Variants in EIF2S1 observed in about 807,000 individuals in gnomAD.
The protein encoded by EIF2S1 is eukaryotic translation initiation factor 2 subunit 1.
A neutral mutation model predicts 33.5 loss-of-function variants in EIF2S1; 5 were observed. The observed-to-expected ratio is 0.15, with a 90% CI of 0.08 to 0.31. The LOEUF is 0.31. EIF2S1 is among the 10% of genes least tolerant of loss of function. EIF2S1 has a pLI of 1.00. For missense variants in EIF2S1, 191 were observed against 384.6 expected (o/e 0.50, Z 4.21); for synonymous variants, 99 against 127.5 (o/e 0.78, Z 1.51).
chr14:67,361,174 T>C (rs2085736047), intron 1 of EIF2S1, among the ~76,000 whole-genome samples: 1 of 152,274 alleles, frequency 6.6e-6, no homozygotes, highest in Non-Finnish European at 1.5e-5. Flanking sequence ...ACAGTCATGC[T>C]GAGGTCTCTT....
intron 2 of EIF2S1, among the ~76,000 whole-genome samples, chr14:67,371,240 C>T (rs1039895091): frequency 2.0e-5 from 3 of 151,698 alleles, no homozygotes; most frequent in African/African-American, 7.3e-5. Context: ...ATAGGGAGAC[C>T]CCATCTCTAT....
intron 6 of EIF2S1, among the ~76,000 whole-genome samples, chr14:67,382,207 G>A (rs915098692): frequency 6.6e-6 from 1 of 151,772 alleles, no homozygotes; most frequent in Non-Finnish European, 1.5e-5. Flanking sequence ...ATTCAGTATC[G>A]CAGTGAACTG....
chr14:67,373,100 G>A (rs1010648076), intron 2 of EIF2S1, among the ~76,000 whole-genome samples: 5 of 152,168 alleles, frequency 3.3e-5, no homozygotes, highest in Non-Finnish European at 7.3e-5. Context: ...AATGCAGAGT[G>A]CCACATTCAC....
intron 2 of EIF2S1, among the ~76,000 whole-genome samples, chr14:67,371,693 A>G (rs981692731): frequency 6.6e-6 from 1 of 152,192 alleles, no homozygotes; most frequent in Admixed American, 6.5e-5. Flanking sequence ...GATACAGTAA[A>G]AATACAGTAT....
At position 67,364,717 on chromosome 14, in the gene EIF2S1, T is replaced by A. The variant is rs190604364; in HGVS notation, c.-1-50T>A. 1.1e-4 allele frequency: 171 copies of A among 1,518,768 alleles called. No homozygotes were observed. The East Asian group carries it at 2.9e-3, about 26-fold the overall frequency. The allele number at this position is 1,518,768 out of a possible 1,614,324, so 94.1% of individuals were successfully genotyped here. On this transcript the variant is annotated intron_variant, in intron 1 of 7. Transcript: ENST00000256383. Reference sequence around the variant, plus strand: ...AGGATGTGGAAATTGATTTTTTTTTTATTTTCACCTTAACTGAATACTTAC... The same window carrying A: ...AGGATGTGGAAATTGATTTTTTTTTAATTTTCACCTTAACTGAATACTTAC...
chr14:67,379,102 G>A (rs777742947), intron 4 of EIF2S1, among the ~76,000 whole-genome samples: 9 of 152,090 alleles, frequency 5.9e-5, no homozygotes, highest in Non-Finnish European at 1.2e-4. Flanking sequence ...TGCTTTATCT[G>A]TTCCTCTATT....
chr14:67,380,516 A>G (rs1031942579), intron 4 of EIF2S1, 143 bp from the exon 5 acceptor site: 4 of 421,230 alleles, frequency 9.5e-6, no homozygotes, highest in South Asian at 2.3e-4. Context: ...TTTGAATTCT[A>G]ATTGTGACAC....
chr14:67,369,204 C>A (rs1386310254), intron 2 of EIF2S1, among the ~76,000 whole-genome samples: 1 of 152,040 alleles, frequency 6.6e-6, no homozygotes, highest in Non-Finnish European at 1.5e-5. Context: ...GCAGACAATA[C>A]CTTAAGGAGA....
At chr14:67,366,967 T>G (rs898381144) in intron 2 of EIF2S1, among the ~76,000 whole-genome samples, 1 of 151,392 alleles carries the variant, frequency 6.6e-6, no homozygotes, top group African/African-American at 2.4e-5. Flanking sequence ...GAGGCGAGAG[T>G]TGTAGACAAC....
Position 67,383,799 on chromosome 14 carries a change from TC to T in EIF2S1, c.*362del, listed in dbSNP as rs202015776. 0.02 allele frequency: 5,679 copies of T among 286,252 alleles called. 83 individuals are homozygous for T. The highest frequency in any genetic ancestry group is 0.03 in the Middle Eastern group (23 of 756). The allele number at this position is 286,252 out of a possible 1,614,324, so 17.7% of individuals were successfully genotyped here. A position where few individuals can be genotyped will look rare whatever the true frequency, so the allele number is the denominator to read the frequency against. On this transcript the variant is annotated 3_prime_UTR_variant, in exon 8 of 8. Coordinates refer to ENST00000256383, the MANE Select transcript of EIF2S1 (RefSeq NM_004094.5). ...TGCCAGGGGCATCCAAGGCAAACAA[TC>T]CCAATCTTTCTATATAAAATGTATT... is the stretch of plus-strand genomic sequence containing the variant.
At chr14:67,364,724 A>G (rs1475361379) in intron 1 of EIF2S1, 43 bp from the exon 2 acceptor site, 4 of 1,548,758 alleles carry the variant, frequency 2.6e-6, no homozygotes, top group Admixed American at 2.0e-5. Context: ...TTTTATTTTC[A>G]CCTTAACTGA....
intron 1 of EIF2S1, among the ~76,000 whole-genome samples, chr14:67,361,998 TA>T (rs1465447248): frequency 2.6e-5 from 4 of 151,820 alleles, no homozygotes; most frequent in African/African-American, 9.7e-5. Flanking sequence ...ATTACTTAGG[TA>T]AGAGTCTTTT....
At chr14:67,364,272 T>G in intron 1 of EIF2S1, 1 of 152,238 alleles carries the variant, frequency 6.6e-6, no homozygotes, top group Non-Finnish European at 1.5e-5. Context: ...CTATAATAAA[T>G]GACAGAATGT....
At chr14:67,381,713 C>A (rs2085888662) in intron 6 of EIF2S1, 23 bp downstream of exon 6, 2 of 1,552,344 alleles carry the variant, frequency 1.3e-6, no homozygotes, top group Non-Finnish European at 8.9e-7. Flanking sequence ...TTGTCTCCCT[C>A]CCTGCTGAAA....
In EIF2S1 at chr14:67,384,178, T is replaced by C. The variant is rs574811108; in HGVS notation, c.*738T>C. The C allele has an allele frequency of 5.1e-4, 78 of 152,346 alleles. No individual in the cohort carries two copies. The highest frequency in any genetic ancestry group is 1.7e-3 in the African/African-American group (70 of 41,586). The allele number at this position is 152,346 out of a possible 1,614,324, so 9.4% of individuals were successfully genotyped here. On this transcript the variant is annotated 3_prime_UTR_variant, in exon 8 of 8. Transcript: ENST00000256383. The stretch of plus-strand genomic sequence containing the variant: ...CCACGTCCTTATTGGAATAATAAGC[T>C]ACTTGCCTTGAGTTTATAATTCAGG...
chr14:67,385,808 A>G lies in EIF2S1; in HGVS notation c.*2368A>G, dbSNP rs2085919717. The G allele has an allele frequency of 1.3e-5, 2 of 152,170 alleles. No homozygotes were observed. The highest frequency in any genetic ancestry group is 1.3e-4 in the Admixed American group (2 of 15,276). 9.4% of individuals were successfully genotyped at this position (152,170 alleles called of 1,614,324 possible). ...CATTTTTCATATCAGTTATAGCAAA[A>G]CAAGACAAACCAGTTCTTAATAATG... On this transcript the variant is annotated 3_prime_UTR_variant, in exon 8 of 8. Coordinates refer to ENST00000256383, the MANE Select transcript of EIF2S1 (RefSeq NM_004094.5).
chr14:67,385,696 G>A lies in EIF2S1; in HGVS notation c.*2256G>A, dbSNP rs1468410672. On this transcript the variant is annotated 3_prime_UTR_variant, in exon 8 of 8. Transcript: ENST00000256383. ...TTTTTTTGGCAAATGGTGTTATATT[G>A]CCTGGGCAGGTCTCGAAATCCTGGG... is the stretch of plus-strand genomic sequence containing the variant. 1.1e-5 allele frequency: 1 copy of A among 88,990 alleles called. No homozygotes were observed. Among genetic ancestry groups the A allele is most frequent in the East Asian group, 3.1e-4 (1 of 3,242 alleles). The allele number at this position is 88,990 out of a possible 1,614,324, so 5.5% of individuals were successfully genotyped here. A position where few individuals can be genotyped will look rare whatever the true frequency, so the allele number is the denominator to read the frequency against.
At position 67,374,528 on chromosome 14, in the gene EIF2S1, A is replaced by G. The variant is rs1282782303; in HGVS notation, c.302A>G (p.Lys101Arg). 6.8e-6 allele frequency: 11 copies of G among 1,608,042 alleles called. No homozygotes were observed. The highest frequency in any genetic ancestry group is 9.4e-6 in the Non-Finnish European group (11 of 1,176,048). ...GAGGAAGCAATCAAATGTGAAGACA[A>G]ATTCACAAAATCCAAAACTGTAAGT... ...SPEEAIKCED[K>R]FTKSKTVYSI... Residue 101 changes from lysine to arginine, a missense_variant, in exon 3 of 8, where the codon AAA becomes AGA. Transcript: ENST00000256383.
chr14:67,382,034 T>C (rs2085890103), intron 6 of EIF2S1, among the ~76,000 whole-genome samples: 2 of 152,130 alleles, frequency 1.3e-5, no homozygotes, highest in Admixed American at 6.5e-5. Flanking sequence ...ACAAGTTTTA[T>C]GAGGTTTGAT....
Sources: gnomAD v4.1 joint callset for allele counts (sites outside exome capture counted in the v4.1 genomes callset) on GRCh38, gnomAD v4.1.1 for gene constraint, MANE v1.5 for transcripts, NCBI Gene and HGNC (gene_info 2026-07-23, HGNC 2026-07-21) for gene names.